MLXIP: variants seen among roughly 807,000 people sequenced by gnomAD.
MLXIP encodes MLX interacting protein.
Under a neutral mutation model 87.2 loss-of-function variants are expected in MLXIP, and 30 were observed. The ratio of observed to expected loss-of-function variants is 0.34; its 90% CI spans 0.26 to 0.47. The LOEUF (loss-of-function observed/expected upper bound fraction) is 0.47, where lower values mean the gene tolerates loss of function less well. Among genes scored for constraint, MLXIP ranks in the 20% least tolerant of loss-of-function variants. The pLI is 1.00. For synonymous variants in MLXIP, 530 were observed against 514.0 expected (o/e 1.03, Z -0.42); for missense variants, 1,002 against 1,240.1 (o/e 0.81, Z 2.88).
At chr12:122,081,200 G>A (rs1325906595) in intron 1 of MLXIP, among the ~76,000 whole-genome samples, 2 of 152,034 alleles carry the variant, frequency 1.3e-5, no homozygotes, top group African/African-American at 4.8e-5. Flanking sequence ...TGCTCTCTTG[G>A]CTCTCTCACT....
chr12:122,094,175 G>GGTGTTGGCGTGTGTTGTGT lies in MLXIP; in HGVS notation c.413+14916_413+14917insCGTGTGTTGTGTGTGTTGG, dbSNP rs1952303208. On this transcript the variant is annotated intron_variant, in intron 1 of 16. Transcript: ENST00000319080. ...GTGTATGTTTGCAGTGTCTGTGTGT[G>GGTGTTGGCGTGTGTTGTGT]GTGTTGGTGTGTGTTGTGTGTGTTG... is the stretch of plus-strand genomic sequence containing the variant. 3.4e-5 allele frequency among the ~76,000 whole-genome samples: 4 copies of GGTGTTGGCGTGTGTTGTGT among 117,658 alleles called. No individual in the cohort carries two copies. In the Admixed American group the frequency reaches 3.8e-4, roughly 11 times the overall value. 77.2% of individuals were successfully genotyped at this position (117,658 alleles called of 152,430 possible).
chr12:122,090,521 C>T (rs1565958026), intron 1 of MLXIP, among the ~76,000 whole-genome samples: 1 of 151,444 alleles, frequency 6.6e-6, no homozygotes, highest in Non-Finnish European at 1.5e-5. Flanking sequence ...AAACAAAACA[C>T]ATAACAAAAT....
At chr12:122,115,397 G>A (rs1286070928) in intron 1 of MLXIP, among the ~76,000 whole-genome samples, 2 of 151,630 alleles carry the variant, frequency 1.3e-5, no homozygotes, top group Admixed American at 6.6e-5. Flanking sequence ...AGACCACCCT[G>A]GCTAACATGG....
In MLXIP at chr12:122,133,288, C is replaced by T. The variant is rs1188680997; in HGVS notation, c.1093-60C>T. The T allele has an allele frequency of 5.0e-5, 75 of 1,507,500 alleles. No homozygotes were observed. The highest frequency in any genetic ancestry group is 1.1e-4 in the Admixed American group (5 of 46,342). 93.4% of individuals were successfully genotyped at this position (1,507,500 alleles called of 1,614,324 possible). A position where few individuals can be genotyped will look rare whatever the true frequency, so the allele number is the denominator to read the frequency against. On this transcript the variant is annotated intron_variant, in intron 8 of 16. Coordinates refer to ENST00000319080, the MANE Select transcript of MLXIP (RefSeq NM_014938.6). This position sits in a 1 kb window ranked among gnomAD's most constrained non-coding sequence, Gnocchi z 4.9. ...TGTAGTTGGACTTGGCAGTGTGCAG[C>T]GCTAGAAAGGAATTGTCTGACCCCA...
At chr12:122,098,764 C>G (rs961242959) in intron 1 of MLXIP, among the ~76,000 whole-genome samples, 10 of 152,168 alleles carry the variant, frequency 6.6e-5, no homozygotes, top group Non-Finnish European at 1.3e-4. Context: ...GAATAAAGTG[C>G]CAGTTGGTGT....
chr12:122,095,180 T>C (rs1952333267), intron 1 of MLXIP, among the ~76,000 whole-genome samples: 1 of 144,538 alleles, frequency 6.9e-6, no homozygotes, highest in Non-Finnish European at 1.5e-5. Flanking sequence ...GAGTGCGGTG[T>C]GGTGGTGTGT....
At position 122,135,293 on chromosome 12, in the gene MLXIP, C is replaced by T; in HGVS notation, c.1802C>T (p.Ala601Val). ...CCTCTGAAGAGAGAAGGGATGTTGG[C>T]CTCCACCGTGTCCCAGTCCAACGTG... ...SGPLKREGML[A>V]STVSQSNVVI... The change falls in exon 10 of 17, where the codon GCC (alanine) becomes GTC (valine). Residue 601 changes from alanine (A) to valine (V), a missense_variant. Physicochemically the swap from Ala to Val is moderately conservative, Grantham distance 64. Around this residue, in one of 3 missense-constraint regions of MLXIP, gnomAD observed 746 missense variants for 897.0 expected, o/e 0.83. Transcript: ENST00000319080. This position sits in a 1 kb window ranked among gnomAD's most constrained non-coding sequence, Gnocchi z 5.3. The T allele has an allele frequency of 6.2e-7, 1 of 1,613,716 alleles. No homozygotes were observed. The highest frequency in any genetic ancestry group is 1.1e-5 in the South Asian group (1 of 91,080).
At chr12:122,085,486 C>T (rs1952155062) in intron 1 of MLXIP, among the ~76,000 whole-genome samples, 1 of 151,914 alleles carries the variant, frequency 6.6e-6, no homozygotes, top group South Asian at 2.1e-4. Flanking sequence ...TCACTGCAAC[C>T]TCCGCCTCCT....
chr12:122,103,358 G>A (rs1455120200), intron 1 of MLXIP, among the ~76,000 whole-genome samples: 1 of 151,970 alleles, frequency 6.6e-6, no homozygotes, highest in East Asian at 1.9e-4. Context: ...CTAAGTAGCT[G>A]GGATTAGAGG....
chr12:122,137,715 C>A lies in MLXIP; in HGVS notation c.2154+125C>A. On this transcript the variant is annotated intron_variant, in intron 12 of 16. Coordinates refer to ENST00000319080, the MANE Select transcript of MLXIP (RefSeq NM_014938.6). This position sits in a 1 kb window ranked among gnomAD's most constrained non-coding sequence, Gnocchi z 4.1. ...CAGAGCTGCCCAGGCAGGGGTGGATCAGAAATGGGCTTCTCCTTGCCCCAT... is the reference window on the plus strand; with the variant it reads ...CAGAGCTGCCCAGGCAGGGGTGGATAAGAAATGGGCTTCTCCTTGCCCCAT... 1 of 1,442,050 alleles carries A rather than the reference C, an allele frequency of 6.9e-7. No homozygotes were observed. The highest frequency in any genetic ancestry group is 9.4e-7 in the Non-Finnish European group (1 of 1,061,508). The allele number at this position is 1,442,050 out of a possible 1,614,324, so 89.3% of individuals were successfully genotyped here. A position where few individuals can be genotyped will look rare whatever the true frequency, so the allele number is the denominator to read the frequency against.
chr12:122,133,825 G>T lies in MLXIP; in HGVS notation c.1570G>T (p.Ala524Ser). The T allele has an allele frequency of 1.2e-6, 2 of 1,612,874 alleles. No individual in the cohort carries two copies. The highest frequency in any genetic ancestry group is 1.7e-6 in the Non-Finnish European group (2 of 1,179,594). ...CCCGTCAGCGGCCCCTTGTGGGCTG[G>T]CACTGTCTCCTGTCACCCGGCCTCC... is the stretch of plus-strand genomic sequence containing the variant. ...PAPSAAPCGLALSPVTRPPQP... is the reference protein window; with the variant it reads ...PAPSAAPCGLSLSPVTRPPQP... The change falls in exon 9 of 17, where the codon GCA becomes TCA. Residue 524 changes from alanine to serine, a missense_variant. This residue lies in a region of MLXIP where 746 missense variants were observed against 897.0 expected (regional missense o/e 0.83). Coordinates refer to ENST00000319080, the MANE Select transcript of MLXIP (RefSeq NM_014938.6). The surrounding 1 kb of genome is among the most constrained non-coding windows in gnomAD (Gnocchi z 4.9).
At chr12:122,128,724 C>T (rs75313846) in intron 3 of MLXIP, 66 of 174,888 alleles carry the variant, frequency 3.8e-4, no homozygotes, top group African/African-American at 1.5e-3. Flanking sequence ...CTGGAGGGCA[C>T]ATTCCACCTG....
At chr12:122,113,090 G>A (rs1818006834) in intron 1 of MLXIP, among the ~76,000 whole-genome samples, 1 of 152,144 alleles carries the variant, frequency 6.6e-6, no homozygotes. Flanking sequence ...AAATGGTTAA[G>A]TAGATTATGA....
At chr12:122,086,133 G>A (rs558434108) in intron 1 of MLXIP, among the ~76,000 whole-genome samples, 13 of 152,312 alleles carry the variant, frequency 8.5e-5, no homozygotes, top group African/African-American at 2.6e-4. Context: ...TGGAAAAGGC[G>A]AGGGGACGGG....
In MLXIP at chr12:122,133,468, A is replaced by C; in HGVS notation, c.1213A>C (p.Thr405Pro). 6.2e-7 allele frequency: 1 copy of C among 1,612,992 alleles called. No homozygotes were observed. The highest frequency in any genetic ancestry group is 8.5e-7 in the Non-Finnish European group (1 of 1,179,736). ...GCAGGGCTGTGAACACACCTCCCGGACTGAGGACCCGTTTATCCAGCCCAC... is the reference window on the plus strand; with the variant it reads ...GCAGGGCTGTGAACACACCTCCCGGCCTGAGGACCCGTTTATCCAGCCCAC... ...DEQGCEHTSR[T>P]EDPFIQPTDF... The change falls in exon 9 of 17, where the codon ACT becomes CCT. Residue 405 changes from threonine (T) to proline (P), a missense_variant. Transcript: ENST00000319080. This position sits in a 1 kb window ranked among gnomAD's most constrained non-coding sequence, Gnocchi z 4.9.
intron 1 of MLXIP, among the ~76,000 whole-genome samples, chr12:122,106,862 G>A (rs956288721): frequency 2.6e-5 from 4 of 151,998 alleles, no homozygotes; most frequent in African/African-American, 7.2e-5. Flanking sequence ...TTGGCCTCCC[G>A]AAGTGCTGTG....
chr12:122,131,261 C>T (rs1204608840), intron 7 of MLXIP, among the ~76,000 whole-genome samples: 1 of 151,970 alleles, frequency 6.6e-6, no homozygotes, highest in Non-Finnish European at 1.5e-5. Context: ...GCCATTGTGA[C>T]AGCAGCAGAA....
At chr12:122,096,772 C>T (rs908028456) in intron 1 of MLXIP, among the ~76,000 whole-genome samples, 1 of 152,182 alleles carries the variant, frequency 6.6e-6, no homozygotes, top group Admixed American at 6.5e-5. Context: ...AGGCTGTGAC[C>T]GCGGTGTCCC....
chr12:122,108,127 T>G (rs1201740032), intron 1 of MLXIP, among the ~76,000 whole-genome samples: 1 of 151,990 alleles, frequency 6.6e-6, no homozygotes, highest in Non-Finnish European at 1.5e-5. Flanking sequence ...CCCAGCACTT[T>G]GGGAGGCTGA....
Sources: gnomAD v4.1 joint callset for allele counts (sites outside exome capture counted in the v4.1 genomes callset) on GRCh38, gnomAD v4.1.1 for gene constraint, gnomAD v4.1.1 regional missense constraint, Gnocchi (gnomAD v3.1) non-coding constraint, MANE v1.5 for transcripts, NCBI Gene and HGNC (gene_info 2026-07-23, HGNC 2026-07-21) for gene names.